Variants in NTRK2 observed in about 807,000 individuals in gnomAD.
The protein encoded by NTRK2 is BDNF/NT-3 growth factors receptor.
NTRK2 carries 13 observed loss-of-function variants against 94.5 expected under a neutral mutation model. The ratio of observed to expected loss-of-function variants is 0.14; its 90% CI spans 0.09 to 0.22. NTRK2 has a LOEUF of 0.22. Among genes scored for constraint, NTRK2 ranks in the 10% least tolerant of loss-of-function variants. The probability of loss-of-function intolerance (pLI) is 1.00; values close to 1 mark genes in which losing one functional copy is unlikely to be tolerated. For synonymous variants in NTRK2, 372 were observed against 407.4 expected (o/e 0.91, Z 1.05); for missense variants, 639 against 1,071.2 (o/e 0.60, Z 5.63).
intron 2 of NTRK2, among the ~76,000 whole-genome samples, chr9:84,697,118 A>G (rs563056098): frequency 6.6e-6 from 1 of 152,172 alleles, no homozygotes; most frequent in Non-Finnish European, 1.5e-5. Flanking sequence ...CAAATGAAAC[A>G]AAAAATCCGA....
intron 12 of NTRK2, among the ~76,000 whole-genome samples, chr9:84,838,699 C>T (rs945569110): frequency 5.9e-5 from 9 of 152,040 alleles, no homozygotes; most frequent in Admixed American, 2.0e-4. Context: ...ACTTTTCTTC[C>T]GATATAGTAT....
In NTRK2 at chr9:84,934,246, G is replaced by T. The variant is rs2132720078; in HGVS notation, c.1718G>T (p.Cys573Phe). 1 of 1,614,022 alleles carries T rather than the reference G, an allele frequency of 6.2e-7. No individual in the cohort carries two copies. Among genetic ancestry groups the T allele is most frequent in the Non-Finnish European group, 8.5e-7 (1 of 1,179,930 alleles). The stretch of plus-strand genomic sequence containing the variant: ...TTTGGAAAAGTGTTCCTAGCTGAAT[G>T]CTATAACCTCTGTCCTGAGCAGGAC... The part of the protein sequence containing the change: ...GAFGKVFLAE[C>F]YNLCPEQDKI... Residue 573 changes from cysteine to phenylalanine, a missense_variant, in exon 15 of 19, where the codon TGC becomes TTC. Physicochemically the swap from Cys to Phe is radical, Grantham distance 205 (BLOSUM62 -2). Coordinates refer to ENST00000277120, the MANE Select transcript of NTRK2 (RefSeq NM_006180.6).
At chr9:84,872,273 T>C in intron 14 of NTRK2, 1 of 1,131,250 alleles carries the variant, frequency 8.8e-7, no homozygotes, top group Non-Finnish European at 1.1e-6. Flanking sequence ...CAGGGAACAA[T>C]GGAAACACAC....
chr9:85,012,999 A>G (rs919248727), intron 17 of NTRK2, among the ~76,000 whole-genome samples: 1 of 152,196 alleles, frequency 6.6e-6, no homozygotes, highest in Non-Finnish European at 1.5e-5. Context: ...AGATTGAAAG[A>G]TGTTCTAGGC....
At chr9:84,934,344 G>A (rs1344618993) in intron 15 of NTRK2, 52 bp downstream of exon 15, 1 of 1,595,378 alleles carries the variant, frequency 6.3e-7, no homozygotes. Context: ...CTTACGTGTG[G>A]AAATTTAACT....
chr9:84,879,050 G>A (rs1446175689), intron 14 of NTRK2, among the ~76,000 whole-genome samples: 1 of 152,138 alleles, frequency 6.6e-6, no homozygotes, highest in Non-Finnish European at 1.5e-5. Flanking sequence ...TAGCAGATAA[G>A]TGCATGCTCA....
intron 13 of NTRK2, among the ~76,000 whole-genome samples, chr9:84,863,827 A>G (rs1197780410): frequency 6.6e-6 from 1 of 152,228 alleles, no homozygotes; most frequent in Admixed American, 6.5e-5. Context: ...ATTTGTCAAC[A>G]GTGATTTTTC....
chr9:84,844,643 CCTCACT>C (rs1386942048), intron 12 of NTRK2, among the ~76,000 whole-genome samples: 5 of 111,520 alleles, frequency 4.5e-5, no homozygotes, highest in Admixed American at 2.2e-4. Context: ...CAATGTAATA[CCTCACT>C]CACACACACA....
Position 84,702,175 on chromosome 9 carries a change from A to G in NTRK2, c.229A>G (p.Lys77Glu). 3 of 1,614,174 alleles carry G rather than the reference A, an allele frequency of 1.9e-6. No homozygotes were observed. The highest frequency in any genetic ancestry group is 2.5e-6 in the Non-Finnish European group (3 of 1,180,006). Reference sequence around the variant, plus strand: ...TTGTTACAGTTTCATCGCAAACCAGAAAAGGTTAGAAATCATCAACGAAGA... The same window carrying G: ...TTGTTACAGTTTCATCGCAAACCAGGAAAGGTTAGAAATCATCAACGAAGA... ...NITEIFIANQ[K>E]RLEIINEDDV... The change falls in exon 3 of 19, where the codon AAA becomes GAA. Residue 77 changes from lysine (K) to glutamate (E), a missense_variant. By Grantham distance (56) the Lys-to-Glu change is moderately conservative (BLOSUM62 1). Around this residue, in one of 5 missense-constraint regions of NTRK2, gnomAD observed 206 missense variants for 251.5 expected, o/e 0.82. Transcript: ENST00000277120.
At position 84,670,754 on chromosome 9, in the gene NTRK2, G is replaced by A; in HGVS notation, c.6G>A (p.Ser2=). The A allele has an allele frequency of 1.9e-6, 3 of 1,612,888 alleles. No homozygotes were observed. Among genetic ancestry groups the A allele is most frequent in the Admixed American group, 1.7e-5 (1 of 60,026 alleles). ...GCTGGCACTGGCTGCTAGGGATGTCGTCCTGGATAAGGTGGCATGGACCCG... is the reference window on the plus strand; with the variant it reads ...GCTGGCACTGGCTGCTAGGGATGTCATCCTGGATAAGGTGGCATGGACCCG... M[S]SWIRWHGPAM... The change falls in exon 2 of 19, where the codon TCG becomes TCA. Residue 2 remains serine, a synonymous_variant. Transcript: ENST00000277120.
intron 13 of NTRK2, among the ~76,000 whole-genome samples, chr9:84,862,967 G>A (rs1314762448): frequency 2.6e-5 from 4 of 152,104 alleles, no homozygotes; most frequent in Non-Finnish European, 5.9e-5. Context: ...GAAGGTGGTT[G>A]GGGTGTTGTC....
intron 9 of NTRK2, among the ~76,000 whole-genome samples, chr9:84,738,299 T>A (rs951325386): frequency 6.7e-6 from 1 of 149,600 alleles, no homozygotes; most frequent in African/African-American, 2.6e-5. Flanking sequence ...CTTTCATTAA[T>A]TCTCTTCTTC....
At chr9:84,725,798 T>G (rs2062411319) in intron 8 of NTRK2, among the ~76,000 whole-genome samples, 1 of 152,100 alleles carries the variant, frequency 6.6e-6, no homozygotes, top group Admixed American at 6.5e-5. Flanking sequence ...GTGAGAGATA[T>G]TTGGTAAAGC....
At chr9:84,774,247 A>G (rs927766755) in intron 12 of NTRK2, among the ~76,000 whole-genome samples, 1 of 152,170 alleles carries the variant, frequency 6.6e-6, no homozygotes, top group Non-Finnish European at 1.5e-5. Context: ...ACATGGACAA[A>G]GTCAGAAACG....
In NTRK2 at chr9:84,931,501, C is replaced by A. The variant is rs530722389; in HGVS notation, c.1634-2661C>A. 9.9e-5 allele frequency among the ~76,000 whole-genome samples: 15 copies of A among 151,814 alleles called. No individual in the cohort carries two copies. The East Asian group carries it at 2.9e-3, about 29-fold the overall frequency. ...GACACTGCTCAGATTATCGGTGCCCCAAAACATAACAAAGCAGATAAATGC... is the reference window on the plus strand; with the variant it reads ...GACACTGCTCAGATTATCGGTGCCCAAAAACATAACAAAGCAGATAAATGC... On this transcript the variant is annotated intron_variant, in intron 14 of 18. Transcript: ENST00000277120.
intron 2 of NTRK2, among the ~76,000 whole-genome samples, chr9:84,700,920 GTCCA>G (rs573326112): frequency 5.9e-5 from 9 of 151,908 alleles, no homozygotes; most frequent in Non-Finnish European, 7.4e-5. Context: ...CCATCCATCC[GTCCA>G]TCCATCCATC....
chr9:84,877,501 C>T (rs2132169462), intron 14 of NTRK2: 1 of 1,066,404 alleles, frequency 9.4e-7, no homozygotes, highest in Admixed American at 5.3e-5. Context: ...CTGTGATTCT[C>T]TCTGTAAGCT....
intron 4 of NTRK2, among the ~76,000 whole-genome samples, chr9:84,704,185 T>A (rs1400848616): frequency 6.6e-6 from 1 of 152,072 alleles, no homozygotes; most frequent in African/African-American, 2.4e-5. Flanking sequence ...ACTTTGTATA[T>A]TTTTTCATGT....
chr9:84,677,902 T>C (rs2131358627), intron 2 of NTRK2, among the ~76,000 whole-genome samples: 1 of 152,342 alleles, frequency 6.6e-6, no homozygotes, highest in South Asian at 2.1e-4. Flanking sequence ...TTTGGTAATA[T>C]GGCATCTTCT....
Sources: allele counts gnomAD v4.1 joint callset (sites outside exome capture counted in the v4.1 genomes callset), GRCh38; gene constraint gnomAD v4.1.1; regional missense constraint gnomAD v4.1.1; transcripts MANE v1.5; gene names NCBI Gene and HGNC (gene_info 2026-07-23, HGNC 2026-07-21).